ELP4: variants seen among roughly 807,000 people sequenced by gnomAD.
The protein encoded by ELP4 is elongator complex protein 4.
Under a neutral mutation model 48.9 loss-of-function variants are expected in ELP4, and 51 were observed. The observed-to-expected ratio is 1.04, with a 90% CI of 0.83 to 1.32. The LOEUF (loss-of-function observed/expected upper bound fraction) is 1.32. Ranked by LOEUF, ELP4 falls within the 40% of genes most tolerant of loss-of-function variation. The pLI is 0.00. For synonymous variants in ELP4, 210 were observed against 189.2 expected, an observed-to-expected ratio of 1.11 and a Z score of -0.90; for missense variants, 519 against 514.6, an observed-to-expected ratio of 1.01 and a Z score of -0.08.
intron 3 of ELP4, among the ~76,000 whole-genome samples, chr11:31,548,529 A>G (rs1438813369): frequency 6.6e-6 from 1 of 152,212 alleles, no homozygotes; most frequent in African/African-American, 2.4e-5. Flanking sequence ...ATGGGTAGGA[A>G]GAATCAATAT....
rs1948669007 is a variant in ELP4 at position 31,786,806 on chromosome 11, T to C, written c.*3282T>C. On this transcript the variant is annotated 3_prime_UTR_variant, in exon 10 of 10. Coordinates refer to ENST00000640961, the MANE Select transcript of ELP4 (RefSeq NM_019040.5). ...AATTCATTGCAGTAAAATGCATTTT[T>C]TTACTTAGAGCAGTTTGAACGTTTA... 2 of 219,132 alleles carry C rather than the reference T, an allele frequency of 9.1e-6. No individual in the cohort carries two copies. The highest frequency in any genetic ancestry group is 1.8e-5 in the Non-Finnish European group (2 of 109,138). The allele number at this position is 219,132 out of a possible 1,614,324, so 13.6% of individuals were successfully genotyped here.
In ELP4 at chr11:31,576,762, T is replaced by G. The variant is rs4922866; in HGVS notation, c.382-18008T>G. Among the ~76,000 whole-genome samples the G allele has an allele frequency of 9.7e-3, 1,483 of 152,168 alleles. 11 individuals are homozygous for G. Among genetic ancestry groups the G allele is most frequent in the Admixed American group, 0.016 (238 of 15,274 alleles). ...AACCAATGAGAACAAAGACACAACA[T>G]ACCAGAATCTCTGGGACACATTTAA... On this transcript the variant is annotated intron_variant, in intron 3 of 9. Coordinates refer to ENST00000640961, the MANE Select transcript of ELP4 (RefSeq NM_019040.5).
At chr11:31,612,278 T>A (rs1957995834) in intron 5 of ELP4, among the ~76,000 whole-genome samples, 1 of 152,248 alleles carries the variant, frequency 6.6e-6, no homozygotes, top group East Asian at 1.9e-4. Flanking sequence ...TACTGATGAC[T>A]TCTCTTAGTG....
intron 3 of ELP4, among the ~76,000 whole-genome samples, chr11:31,568,507 C>G (rs1957147434): frequency 6.6e-6 from 1 of 152,194 alleles, no homozygotes; most frequent in African/African-American, 2.4e-5. Context: ...CAAGAGGCAT[C>G]ACATTACCCG....
In ELP4 at chr11:31,533,368, C is replaced by CTTTTT. The variant is rs71060492; in HGVS notation, c.260-6271_260-6267dup. ...GTGTTGCTGCAAAAGCCATCTCATT[C>CTTTTT]TTTTTTTTTTTTTTTTTTTTTTTTT... On this transcript the variant is annotated intron_variant, in intron 2 of 9. Coordinates refer to ENST00000640961, the MANE Select transcript of ELP4 (RefSeq NM_019040.5). Among the ~76,000 whole-genome samples, 38 of 50,478 alleles carry CTTTTT rather than the reference C, an allele frequency of 7.5e-4. 6 individuals carry two copies. The highest frequency in any genetic ancestry group is 9.2e-4 in the African/African-American group (11 of 11,900). The allele number at this position is 50,478 out of a possible 152,430, so 33.1% of individuals were successfully genotyped here. A position where few individuals can be genotyped will look rare whatever the true frequency, so the allele number is the denominator to read the frequency against.
intron 9 of ELP4, among the ~76,000 whole-genome samples, chr11:31,710,948 G>A (rs1946730207): frequency 6.6e-6 from 1 of 152,150 alleles, no homozygotes; most frequent in Non-Finnish European, 1.5e-5. Flanking sequence ...TATGAGCACG[G>A]AGTCTAATTA....
chr11:31,545,310 C>G (rs1261715484), intron 3 of ELP4, among the ~76,000 whole-genome samples: 1 of 152,100 alleles, frequency 6.6e-6, no homozygotes, highest in Non-Finnish European at 1.5e-5. Flanking sequence ...GAGCTGAAAG[C>G]CAAGGCTCGA....
chr11:31,664,862 A>C (rs1945638037), intron 9 of ELP4, among the ~76,000 whole-genome samples: 1 of 152,226 alleles, frequency 6.6e-6, no homozygotes, highest in African/African-American at 2.4e-5. Context: ...TGTCTCTTTG[A>C]AAATACATTA....
At chr11:31,599,404 A>G (rs1253322163) in intron 4 of ELP4, 2 of 151,888 alleles carry the variant, frequency 1.3e-5, no homozygotes, top group Non-Finnish European at 2.9e-5. Flanking sequence ...ATGATTTGCC[A>G]AGACTGATAG....
At chr11:31,578,137 C>T (rs1386108064) in intron 3 of ELP4, among the ~76,000 whole-genome samples, 1 of 152,134 alleles carries the variant, frequency 6.6e-6, no homozygotes, top group Non-Finnish European at 1.5e-5. Context: ...CACAAGCATT[C>T]CTATACACCA....
intron 9 of ELP4, among the ~76,000 whole-genome samples, chr11:31,714,410 T>A (rs2134176229): frequency 6.6e-6 from 1 of 152,314 alleles, no homozygotes; most frequent in Admixed American, 6.5e-5. Context: ...TCTGCAGTGA[T>A]GTTTACTATA....
intron 1 of ELP4, among the ~76,000 whole-genome samples, chr11:31,519,057 C>T (rs1049182097): frequency 5.9e-5 from 9 of 152,122 alleles, no homozygotes; most frequent in South Asian, 2.1e-4. Flanking sequence ...TCAAGTGATC[C>T]GCCCACTTCA....
chr11:31,564,663 A>G (rs541250468), intron 3 of ELP4, among the ~76,000 whole-genome samples: 1 of 152,304 alleles, frequency 6.6e-6, no homozygotes, highest in South Asian at 2.1e-4. Flanking sequence ...TTTGCTGAGA[A>G]TGATGGTTTC....
At chr11:31,705,021 A>C (rs562715003) in intron 9 of ELP4, among the ~76,000 whole-genome samples, 5 of 152,062 alleles carry the variant, frequency 3.3e-5, no homozygotes, top group African/African-American at 1.2e-4. Context: ...AAAAAAAAAA[A>C]AAATTATATA....
intron 2 of ELP4, among the ~76,000 whole-genome samples, chr11:31,537,535 A>G (rs1458674784): frequency 6.6e-6 from 1 of 152,194 alleles, no homozygotes; most frequent in Non-Finnish European, 1.5e-5. Flanking sequence ...TGTAAAGAAA[A>G]TAGGTTTAAT....
chr11:31,783,357 C>A, intron 9 of ELP4, 36 bp from the exon 10 acceptor site: 1 of 1,586,098 alleles, frequency 6.3e-7, no homozygotes, highest in South Asian at 1.1e-5. Flanking sequence ...TTTCTTCTTT[C>A]TTCTTTTTTT....
chr11:31,627,621 T>C (rs1944773801), intron 6 of ELP4, among the ~76,000 whole-genome samples: 1 of 152,118 alleles, frequency 6.6e-6, no homozygotes, highest in African/African-American at 2.4e-5. Context: ...TTTGTTTTAT[T>C]GAATTAAAAA....
intron 9 of ELP4, among the ~76,000 whole-genome samples, chr11:31,700,034 G>C (rs906190623): frequency 2.0e-5 from 3 of 152,086 alleles, no homozygotes; most frequent in African/African-American, 7.2e-5. Flanking sequence ...TAGATTGATA[G>C]TAGTGTTGTA....
chr11:31,585,524 C>T (rs1042951282), intron 3 of ELP4, among the ~76,000 whole-genome samples: 1 of 151,654 alleles, frequency 6.6e-6, no homozygotes, highest in African/African-American at 2.4e-5. Flanking sequence ...AATCTTCATT[C>T]GTCAAGCTTT....
Sources: allele counts gnomAD v4.1 joint callset (sites outside exome capture counted in the v4.1 genomes callset), GRCh38; gene constraint gnomAD v4.1.1; transcripts MANE v1.5; gene names NCBI Gene and HGNC (gene_info 2026-07-23, HGNC 2026-07-21).